PTPRG: variants seen among roughly 807,000 people sequenced by gnomAD.
The protein encoded by PTPRG is protein tyrosine phosphatase receptor type G.
A neutral mutation model predicts 165.3 loss-of-function variants in PTPRG; 102 were observed. The ratio of observed to expected loss-of-function variants is 0.62; its 90% CI spans 0.53 to 0.73. The LOEUF is 0.73. PTPRG is among the 30% of genes least tolerant of loss of function. The pLI is 0.00. For missense variants in PTPRG, 1,866 were observed against 1,861.4 expected, an observed-to-expected ratio of 1.00 and a Z score of -0.05; for synonymous variants, 675 against 669.5, an observed-to-expected ratio of 1.01 and a Z score of -0.13.
intron 1 of PTPRG, among the ~76,000 whole-genome samples, chr3:61,622,069 G>A (rs60781301): frequency 6.6e-6 from 1 of 151,966 alleles, no homozygotes. Context: ...CAGTATTTGC[G>A]GGGCATACAT....
At chr3:62,089,712 T>C (rs188774783) in intron 5 of PTPRG, among the ~76,000 whole-genome samples, 8 of 152,282 alleles carry the variant, frequency 5.3e-5, no homozygotes, top group South Asian at 2.1e-4. Flanking sequence ...TACAGCAAAT[T>C]CTATTTTTCT....
At chr3:62,113,276 A>G (rs74888776) in intron 5 of PTPRG, among the ~76,000 whole-genome samples, 1 of 152,290 alleles carries the variant, frequency 6.6e-6, no homozygotes, top group Non-Finnish European at 1.5e-5. Context: ...AGAGGAGTCC[A>G]GCTGTGGTTT....
rs761677496 is a variant in PTPRG at position 62,267,395 on chromosome 3, T to C, written c.2657-15T>C. The C allele has an allele frequency of 2.4e-5, 38 of 1,557,226 alleles. No homozygotes were observed. Among genetic ancestry groups the C allele is most frequent in the Non-Finnish European group, 2.1e-5 (24 of 1,141,840 alleles). On this transcript the variant is annotated splice_polypyrimidine_tract_variant and intron_variant, in intron 17 of 29. Transcript: ENST00000474889. ...TATCCATTTTATTTCTGTTTTTTTTTCTTATCTTCTATAGATGATCACAGT... is the reference window on the plus strand; with the variant it reads ...TATCCATTTTATTTCTGTTTTTTTTCCTTATCTTCTATAGATGATCACAGT...
intron 1 of PTPRG, among the ~76,000 whole-genome samples, chr3:61,687,515 C>T (rs1559557571): frequency 6.6e-6 from 1 of 152,176 alleles, no homozygotes; most frequent in East Asian, 1.9e-4. Context: ...GGCTTTGGGA[C>T]CCTCTTGAAG....
At chr3:61,648,899 A>C (rs1313258406) in intron 1 of PTPRG, among the ~76,000 whole-genome samples, 1 of 152,204 alleles carries the variant, frequency 6.6e-6, no homozygotes, top group Non-Finnish European at 1.5e-5. Flanking sequence ...GCAATTATTT[A>C]TTTACATGAA....
At chr3:62,050,323 A>C (rs1202905952) in intron 4 of PTPRG, among the ~76,000 whole-genome samples, 1 of 152,206 alleles carries the variant, frequency 6.6e-6, no homozygotes, top group African/African-American at 2.4e-5. Context: ...ATCATGTTAC[A>C]GTTGCCTACA....
chr3:61,677,911 T>C (rs1168483593), intron 1 of PTPRG, among the ~76,000 whole-genome samples: 1 of 152,092 alleles, frequency 6.6e-6, no homozygotes, highest in Non-Finnish European at 1.5e-5. Context: ...TTTCAAAAGG[T>C]AGCTTGTGTA....
In PTPRG at chr3:62,090,889, T is replaced by A. The variant is rs149399640; in HGVS notation, c.615+12631T>A. The stretch of plus-strand genomic sequence containing the variant: ...GTATAAATTCCAACTTGCCACTTAC[T>A]GGCTTGTTCCTTTGGACAAATCTAT... On this transcript the variant is annotated intron_variant, in intron 5 of 29. Transcript: ENST00000474889. 7.0e-3 allele frequency among the ~76,000 whole-genome samples: 1,068 copies of A among 152,312 alleles called. 13 individuals carry two copies. The highest frequency in any genetic ancestry group is 0.025 in the African/African-American group (1,024 of 41,570).
intron 15 of PTPRG, among the ~76,000 whole-genome samples, chr3:62,253,810 A>G (rs904414444): frequency 1.3e-5 from 2 of 152,216 alleles, no homozygotes; most frequent in East Asian, 1.9e-4. Context: ...AAGGTTGCCT[A>G]TTAACATGAT....
At chr3:61,726,878 T>G (rs1008636527) in intron 1 of PTPRG, among the ~76,000 whole-genome samples, 2 of 152,102 alleles carry the variant, frequency 1.3e-5, no homozygotes, top group Admixed American at 1.3e-4. Flanking sequence ...AAATCCCGTC[T>G]CTACTGAAAA....
At chr3:62,157,742 A>G (rs1421536580) in intron 7 of PTPRG, among the ~76,000 whole-genome samples, 1 of 152,200 alleles carries the variant, frequency 6.6e-6, no homozygotes, top group Non-Finnish European at 1.5e-5. Flanking sequence ...TCTGATTCCA[A>G]AGAGCATGCT....
intron 1 of PTPRG, among the ~76,000 whole-genome samples, chr3:61,569,548 A>G (rs1285226463): frequency 6.6e-6 from 1 of 152,144 alleles, no homozygotes; most frequent in Non-Finnish European, 1.5e-5. Flanking sequence ...TAAACTCCTG[A>G]CCTCAAGTGA....
At chr3:62,087,735 T>G (rs1306260729) in intron 5 of PTPRG, among the ~76,000 whole-genome samples, 1 of 152,204 alleles carries the variant, frequency 6.6e-6, no homozygotes, top group Non-Finnish European at 1.5e-5. Flanking sequence ...GGGTTTTCTG[T>G]TGAAGAGGGT....
At chr3:61,779,582 A>G (rs919285717) in intron 2 of PTPRG, among the ~76,000 whole-genome samples, 1 of 152,162 alleles carries the variant, frequency 6.6e-6, no homozygotes, top group Admixed American at 6.5e-5. Flanking sequence ...TCCTTTAGGC[A>G]TTTTAGGTAG....
intron 2 of PTPRG, among the ~76,000 whole-genome samples, chr3:61,867,922 G>A (rs531222356): frequency 6.6e-6 from 1 of 152,264 alleles, no homozygotes; most frequent in Admixed American, 6.5e-5. Flanking sequence ...CTTCCACAGG[G>A]AGTCTGAGAC....
At chr3:62,035,048 C>T (rs1278116137) in intron 4 of PTPRG, among the ~76,000 whole-genome samples, 1 of 152,140 alleles carries the variant, frequency 6.6e-6, no homozygotes, top group Non-Finnish European at 1.5e-5. Flanking sequence ...CAAGACAGAC[C>T]TCCAGGCCTC....
intron 6 of PTPRG, among the ~76,000 whole-genome samples, chr3:62,153,790 A>T (rs1278438562): frequency 6.6e-6 from 1 of 152,196 alleles, no homozygotes; most frequent in Admixed American, 6.5e-5. Flanking sequence ...CTATGCTCAC[A>T]CAGCTCACAG....
chr3:61,942,692 C>G (rs867873012), intron 2 of PTPRG, among the ~76,000 whole-genome samples: 2 of 152,318 alleles, frequency 1.3e-5, no homozygotes, highest in East Asian at 3.9e-4. Flanking sequence ...AGAGCTAAGT[C>G]TTAAACTCTG....
chr3:62,058,454 A>G (rs1230114668), intron 4 of PTPRG, among the ~76,000 whole-genome samples: 1 of 152,086 alleles, frequency 6.6e-6, no homozygotes, highest in Non-Finnish European at 1.5e-5. Context: ...TACATGAGCC[A>G]CTGCACCCAG....
Sources: gnomAD v4.1 joint callset for allele counts (sites outside exome capture counted in the v4.1 genomes callset) on GRCh38, gnomAD v4.1.1 for gene constraint, MANE v1.5 for transcripts, NCBI Gene and HGNC (gene_info 2026-07-23, HGNC 2026-07-21) for gene names.